The following CACNA1B variants were observed in gnomAD, a reference collection of about 807,000 sequenced individuals.
The protein encoded by CACNA1B is voltage-dependent N-type calcium channel subunit alpha-1B.
A neutral mutation model predicts 247.2 loss-of-function variants in CACNA1B; 70 were observed. That is an observed-to-expected ratio of 0.28 (90% CI 0.23 to 0.35). CACNA1B has a LOEUF of 0.35. CACNA1B is among the 10% of genes least tolerant of loss of function. The pLI, the probability that CACNA1B is intolerant of heterozygous loss-of-function variation, is 1.00. For synonymous variants in CACNA1B, 1,231 were observed against 1,294.4 expected, an observed-to-expected ratio of 0.95 and a Z score of 1.05; for missense variants, 2,367 against 3,197.4, an observed-to-expected ratio of 0.74 and a Z score of 6.26.
At chr9:137,886,230 G>GAT (rs1957009672) in intron 3 of CACNA1B, among the ~76,000 whole-genome samples, 1 of 151,652 alleles carries the variant, frequency 6.6e-6, no homozygotes, top group Non-Finnish European at 1.5e-5. Context: ...AGTGGGCCTG[G>GAT]GGTGAGGACA....
chr9:138,017,171 G>A (rs899016697), intron 18 of CACNA1B: 2 of 519,036 alleles, frequency 3.9e-6, no homozygotes, highest in South Asian at 1.4e-5. Flanking sequence ...ACTGTATCTC[G>A]CAGCTCATCT....
chr9:138,114,424 C>T lies in CACNA1B; in HGVS notation c.5583C>T (p.Phe1861=), dbSNP rs2229948. ...AGGTTTATGCAGCTCTGATGATATT[C>T]GACTTCTACAAGCAGAACAAAACCA... ...VGKVYAALMI[F]DFYKQNKTTR... is the part of the protein sequence containing the mutation. Residue 1861 remains phenylalanine (F), a synonymous_variant, in exon 41 of 47, where the codon TTC becomes TTT. Coordinates refer to ENST00000371372, the MANE Select transcript of CACNA1B (RefSeq NM_000718.4). 0.71 allele frequency: 1,132,272 copies of T among 1,590,628 alleles called. 416,067 individuals are homozygous for T. Among genetic ancestry groups the T allele is most frequent in the Non-Finnish European group, 0.75 (877,509 of 1,166,156 alleles).
chr9:137,918,448 A>G (rs1460996666), intron 6 of CACNA1B, among the ~76,000 whole-genome samples: 2 of 152,034 alleles, frequency 1.3e-5, no homozygotes, highest in Non-Finnish European at 2.9e-5. Context: ...TGGGTCAGGA[A>G]TCTGGGAGGG....
At chr9:138,077,929 G>T (rs1960383509) in intron 35 of CACNA1B, among the ~76,000 whole-genome samples, 185 bp from the exon 36 acceptor site, 1 of 152,226 alleles carries the variant, frequency 6.6e-6, no homozygotes, top group African/African-American at 2.4e-5. Context: ...CCCAATTAAT[G>T]CTCAGTTTGG....
At chr9:137,938,809 C>T (rs560634675) in intron 6 of CACNA1B, among the ~76,000 whole-genome samples, 1 of 152,318 alleles carries the variant, frequency 6.6e-6, no homozygotes, top group South Asian at 2.1e-4. Flanking sequence ...CACAGTGGCT[C>T]ATGCCTGTAA....
At chr9:138,104,019 G>A (rs566028995) in intron 38 of CACNA1B, among the ~76,000 whole-genome samples, 4 of 152,226 alleles carry the variant, frequency 2.6e-5, no homozygotes, top group African/African-American at 9.6e-5. Flanking sequence ...ACTTGGCGCC[G>A]GGGCAAGCAG....
intron 18 of CACNA1B, among the ~76,000 whole-genome samples, chr9:138,017,896 GT>G: frequency 4.6e-5 from 7 of 151,750 alleles, no homozygotes; most frequent in African/African-American, 1.7e-4. Context: ...CCCTGAAGTG[GT>G]CAGGTGCAGT....
rs1961294201 is a variant in CACNA1B at position 138,102,704 on chromosome 9, T to G, written c.5223-7T>G. ...TGTGCCCTGGCCTCGCTGGGACGGG[T>G]TTCCAGTGGGCGCATCAGTTACAAT... On this transcript the variant is annotated splice_region_variant and splice_polypyrimidine_tract_variant and intron_variant, in intron 37 of 46. Transcript: ENST00000371372. The surrounding 1 kb of genome is among the most constrained non-coding windows in gnomAD (Gnocchi z 5.4). The G allele has an allele frequency of 1.3e-6, 2 of 1,596,080 alleles. No homozygotes were observed. The highest frequency in any genetic ancestry group is 3.4e-5 in the Admixed American group (2 of 59,412).
chr9:137,980,262 C>G (rs1322074475), intron 12 of CACNA1B, among the ~76,000 whole-genome samples: 1 of 152,212 alleles, frequency 6.6e-6, no homozygotes, highest in African/African-American at 2.4e-5. Context: ...GCTCTACCCA[C>G]ACCTATTAGG....
In CACNA1B at chr9:138,124,386, C is replaced by G. The variant is rs1218118835; in HGVS notation, c.*2387C>G. 1 of 149,464 alleles carries G rather than the reference C, an allele frequency of 6.7e-6. No homozygotes were observed. The allele number at this position is 149,464 out of a possible 1,614,324, so 9.3% of individuals were successfully genotyped here. A position where few individuals can be genotyped will look rare whatever the true frequency, so the allele number is the denominator to read the frequency against. On this transcript the variant is annotated 3_prime_UTR_variant, in exon 47 of 47. Coordinates refer to ENST00000371372, the MANE Select transcript of CACNA1B (RefSeq NM_000718.4). ...ATTTTTAATTATATTTGATATAAAT[C>G]AAAGGTTTGTTGCAAAACTTTATAT...
rs1292782281 is a variant in CACNA1B at position 138,122,586 on chromosome 9, A to C, written c.*587A>C. 1.3e-5 allele frequency: 2 copies of C among 153,058 alleles called. No homozygotes were observed. Among genetic ancestry groups the C allele is most frequent in the African/African-American group, 4.8e-5 (2 of 41,480 alleles). 9.5% of individuals were successfully genotyped at this position (153,058 alleles called of 1,614,324 possible). A position where few individuals can be genotyped will look rare whatever the true frequency, so the allele number is the denominator to read the frequency against. On this transcript the variant is annotated 3_prime_UTR_variant, in exon 47 of 47. Transcript: ENST00000371372. ...TGTTCTTGCTGTGGTTGTGATTTTT[A>C]ATTGCAACACCTCTCATTCTTGTCA...
chr9:137,963,359 T>A (rs1958040824), intron 10 of CACNA1B, among the ~76,000 whole-genome samples: 1 of 152,196 alleles, frequency 6.6e-6, no homozygotes, highest in South Asian at 2.1e-4. Flanking sequence ...GTCTTTTAAT[T>A]GGTGCATTTA....
At position 138,007,535 on chromosome 9, in the gene CACNA1B, G is replaced by C. The variant is rs1201198371; in HGVS notation, c.2092+651G>C. ...AGTGTGAGTGGGTCCCCCTGTAGCT[G>C]GGGTGGGAAGTTCAGGCCTAGAAGT... On this transcript the variant is annotated intron_variant, in intron 16 of 46. Transcript: ENST00000371372. This position sits in a 1 kb window ranked among gnomAD's most constrained non-coding sequence, Gnocchi z 4.1. 2.0e-5 allele frequency among the ~76,000 whole-genome samples: 3 copies of C among 152,142 alleles called. No homozygotes were observed. The highest frequency in any genetic ancestry group is 4.4e-5 in the Non-Finnish European group (3 of 68,024).
At chr9:138,032,895 A>G (rs59016958) in intron 20 of CACNA1B, 5,726 of 294,902 alleles carry the variant, frequency 0.019, 148 homozygotes, top group African/African-American at 0.071. Flanking sequence ...GGTTTGCTCA[A>G]TTTCTTGAAT....
rs1162097577 is a variant in CACNA1B at position 138,020,844 on chromosome 9, G to A, written c.2268-2167G>A. 1.3e-5 allele frequency among the ~76,000 whole-genome samples: 2 copies of A among 152,234 alleles called. No individual in the cohort carries two copies. The highest frequency in any genetic ancestry group is 1.3e-4 in the Admixed American group (2 of 15,290). The stretch of plus-strand genomic sequence containing the variant: ...ACCTGAATGCAAGGGTGAGGGCAGA[G>A]CTATATGGTCTGGAGCCCACCCCAC... On this transcript the variant is annotated intron_variant, in intron 18 of 46. Coordinates refer to ENST00000371372, the MANE Select transcript of CACNA1B (RefSeq NM_000718.4). This position sits in a 1 kb window ranked among gnomAD's most constrained non-coding sequence, Gnocchi z 4.1.
At chr9:138,079,225 G>C (rs748869667) in intron 36 of CACNA1B, among the ~76,000 whole-genome samples, 1 of 152,094 alleles carries the variant, frequency 6.6e-6, no homozygotes, top group Non-Finnish European at 1.5e-5. Context: ...AGGTGACTCT[G>C]TGTGTGTTGA....
intron 36 of CACNA1B, among the ~76,000 whole-genome samples, chr9:138,084,660 G>A (rs1018209399): frequency 2.6e-5 from 4 of 151,200 alleles, no homozygotes; most frequent in Admixed American, 2.0e-4. Context: ...ACTTGAAAAA[G>A]CAAGGAAATC....
intron 6 of CACNA1B, among the ~76,000 whole-genome samples, chr9:137,947,194 G>T (rs1257501430): frequency 6.6e-6 from 1 of 152,190 alleles, no homozygotes; most frequent in African/African-American, 2.4e-5. Context: ...AAGTTATAAA[G>T]TTAAACCCTA....
Position 138,025,138 on chromosome 9 carries a change from G to A in CACNA1B, c.3252G>A (p.Leu1084=), listed in dbSNP as rs781543872. Residue 1084 remains leucine, a synonymous_variant, in exon 20 of 47, where the codon CTG becomes CTA. Coordinates refer to ENST00000371372, the MANE Select transcript of CACNA1B (RefSeq NM_000718.4). The part of the protein sequence containing the change: ...PNTIVHIPVM[L]TGPLGEATVV... ...CTATTGTACATATCCCAGTGATGCT[G>A]ACGGGCCCTCTTGGGGAAGCCACGG... is the stretch of plus-strand genomic sequence containing the variant. 2 of 1,612,608 alleles carry A rather than the reference G, an allele frequency of 1.2e-6. No homozygotes were observed. The highest frequency in any genetic ancestry group is 1.7e-5 in the Admixed American group (1 of 59,890).
Sources: allele counts gnomAD v4.1 joint callset (sites outside exome capture counted in the v4.1 genomes callset), GRCh38; gene constraint gnomAD v4.1.1; non-coding constraint Gnocchi (gnomAD v3.1); transcripts MANE v1.5; gene names NCBI Gene and HGNC (gene_info 2026-07-23, HGNC 2026-07-21).